MYO3A: variants seen among roughly 807,000 people sequenced by gnomAD.
MYO3A encodes the protein myosin-IIIa.
MYO3A carries 180 observed loss-of-function variants against 192.7 expected under a neutral mutation model. The ratio of observed to expected loss-of-function variants is 0.93; its 90% CI spans 0.83 to 1.06. MYO3A has a LOEUF of 1.06. Ranked by LOEUF, MYO3A falls within the 50% of genes least tolerant of loss-of-function variation. The pLI, the probability that MYO3A is intolerant of heterozygous loss-of-function variation, is 0.00. For missense variants in MYO3A, 1,896 were observed against 1,905.0 expected (o/e 1.00, Z 0.09); for synonymous variants, 628 against 645.3 (o/e 0.97, Z 0.41).
In MYO3A at chr10:26,157,499, G is replaced by C; in HGVS notation, c.2983G>C (p.Ala995Pro). 1 of 1,613,990 alleles carries C rather than the reference G, an allele frequency of 6.2e-7. No individual in the cohort carries two copies. The highest frequency in any genetic ancestry group is 2.2e-5 in the East Asian group (1 of 44,876). ...AGGATTCTCCCATCGGATACTTTTT[G>C]CTAACTTTATAAAGCGGTATGTGGA... ...RLGFSHRILF[A>P]NFIKRYYLLC... is the part of the protein sequence containing the mutation. Residue 995 changes from alanine to proline, a missense_variant, in exon 26 of 35, where the codon GCT becomes CCT. Ala to Pro is a conservative substitution (Grantham distance 27). Transcript: ENST00000642920.
At chr10:26,183,868 CAAAT>C (rs775278648) in intron 31 of MYO3A, among the ~76,000 whole-genome samples, 6 of 152,124 alleles carry the variant, frequency 3.9e-5, no homozygotes, top group Non-Finnish European at 8.8e-5. Context: ...CTTTTCACCT[CAAAT>C]AAACTCAAGA....
chr10:26,014,907 A>C (rs1335357577), intron 6 of MYO3A, among the ~76,000 whole-genome samples: 4 of 152,148 alleles, frequency 2.6e-5, no homozygotes, highest in Non-Finnish European at 5.9e-5. Context: ...CCACAATAGA[A>C]AACACATATT....
intron 20 of MYO3A, among the ~76,000 whole-genome samples, chr10:26,136,865 CAAAA>C (rs1839877298): frequency 6.6e-6 from 1 of 151,902 alleles, no homozygotes; most frequent in South Asian, 2.1e-4. Context: ...AATAAAAATA[CAAAA>C]ATTAGTGGGG....
rs1356508939 is a variant in MYO3A, at chr10:26,081,143, CCCG to C, written c.1360-7057_1360-7055del. Among the ~76,000 whole-genome samples, 199 of 90,424 alleles carry C rather than the reference CCCG, an allele frequency of 2.2e-3. 14 individuals carry two copies. Among genetic ancestry groups the C allele is most frequent in the Middle Eastern group, 5.6e-3 (1 of 180 alleles). The allele number at this position is 90,424 out of a possible 152,430, so 59.3% of individuals were successfully genotyped here. ...AAGATTATATGCCCTTCCCCCCCCC[CCCG>C]CCCCCGCTACCAGGGTGGGTAGGGA... On this transcript the variant is annotated intron_variant, in intron 14 of 34. Coordinates refer to ENST00000642920, the MANE Select transcript of MYO3A (RefSeq NM_017433.5).
In MYO3A at chr10:26,124,188, CAAAAAAAAAA is replaced by C. The variant is rs34682530; in HGVS notation, c.1904-1197_1904-1188del. Among the ~76,000 whole-genome samples, 31 of 89,540 alleles carry C rather than the reference CAAAAAAAAAA, an allele frequency of 3.5e-4. 1 individual carries two copies. Among genetic ancestry groups the C allele is most frequent in the African/African-American group, 1.3e-3 (30 of 23,432 alleles). 58.7% of individuals were successfully genotyped at this position (89,540 alleles called of 152,430 possible). A position where few individuals can be genotyped will look rare whatever the true frequency, so the allele number is the denominator to read the frequency against. On this transcript the variant is annotated intron_variant, in intron 18 of 34. Transcript: ENST00000642920. The stretch of plus-strand genomic sequence containing the variant: ...TGGATGACAGAGCGAGACTTTGTCT[CAAAAAAAAAA>C]AAAAAAAAAAAACTTTTACATATTT...
At chr10:26,146,549 G>A (rs892136227) in intron 22 of MYO3A, among the ~76,000 whole-genome samples, 1 of 152,142 alleles carries the variant, frequency 6.6e-6, no homozygotes, top group Admixed American at 6.5e-5. Flanking sequence ...TCCCCACATG[G>A]CCTTTGCTAT....
chr10:26,075,815 A>ATGTCTCTCATATATATGATATATATG (rs1835535167), intron 14 of MYO3A, among the ~76,000 whole-genome samples: 1 of 148,228 alleles, frequency 6.7e-6, no homozygotes, highest in African/African-American at 2.5e-5. Context: ...TGATATATAT[A>ATGTCTCTCATATATATGATATATATG]TGTCTCTCAT....
rs1288715993 is a variant in MYO3A at position 26,138,218 on chromosome 10, C to G, written c.2263-5230C>G. Among the ~76,000 whole-genome samples, 3 of 152,228 alleles carry G rather than the reference C, an allele frequency of 2.0e-5. No individual in the cohort carries two copies. In the East Asian group the frequency reaches 5.8e-4, roughly 29 times the overall value. On this transcript the variant is annotated intron_variant, in intron 20 of 34. Transcript: ENST00000642920. ...CGGTCCTACTGATATGTGAGGTCAC[C>G]CCCAGTGGCCCAGCTGTAAAATTCC...
Position 26,006,463 on chromosome 10 carries a change from A to G in MYO3A, c.508+9205A>G, listed in dbSNP as rs1219770416. Among the ~76,000 whole-genome samples, 4 of 152,228 alleles carry G rather than the reference A, an allele frequency of 2.6e-5. No homozygotes were observed. In the East Asian group the frequency reaches 5.8e-4, roughly 22 times the overall value. ...AGGAGCTGGTTTTTTGAAAGGATCA[A>G]CAAAATTGATAGACTGCTAGCAAGA... On this transcript the variant is annotated intron_variant, in intron 6 of 34. Transcript: ENST00000642920.
At chr10:25,992,452 G>A (rs1363341848) in intron 4 of MYO3A, among the ~76,000 whole-genome samples, 2 of 152,240 alleles carry the variant, frequency 1.3e-5, no homozygotes, top group Non-Finnish European at 2.9e-5. Context: ...CATGTCATCT[G>A]CAAACAGGGA....
chr10:26,048,196 G>A (rs919804493), intron 10 of MYO3A, among the ~76,000 whole-genome samples: 4 of 151,988 alleles, frequency 2.6e-5, no homozygotes, highest in African/African-American at 9.7e-5. Context: ...AGGAACACAG[G>A]GCTTTATCTC....
chr10:26,181,482 A>G (rs998615022), intron 31 of MYO3A, among the ~76,000 whole-genome samples: 1 of 152,226 alleles, frequency 6.6e-6, no homozygotes, highest in Admixed American at 6.5e-5. Flanking sequence ...TGTTTAGCGT[A>G]GAAAGAGCTC....
At chr10:26,051,750 A>G (rs1448995777) in intron 10 of MYO3A, among the ~76,000 whole-genome samples, 1 of 152,088 alleles carries the variant, frequency 6.6e-6, no homozygotes, top group East Asian at 1.9e-4. Flanking sequence ...TCATAGGTCA[A>G]ATCAGGCTTG....
chr10:25,972,425 C>G lies in MYO3A; in HGVS notation c.303+17417C>G, dbSNP rs189329833. On this transcript the variant is annotated intron_variant, in intron 4 of 34. Coordinates refer to ENST00000642920, the MANE Select transcript of MYO3A (RefSeq NM_017433.5). Reference sequence around the variant, plus strand: ...CTTTGGAATATTTGTCCACTAAGTCCAATGACTGGGCCCGCTCACAAGCCC... The same window carrying G: ...CTTTGGAATATTTGTCCACTAAGTCGAATGACTGGGCCCGCTCACAAGCCC... Among the ~76,000 whole-genome samples the G allele has an allele frequency of 4.1e-3, 619 of 152,186 alleles. 5 individuals carry two copies. The highest frequency in any genetic ancestry group is 0.014 in the African/African-American group (582 of 41,516).
At chr10:26,077,970 T>A (rs557956628) in intron 14 of MYO3A, among the ~76,000 whole-genome samples, 7 of 152,064 alleles carry the variant, frequency 4.6e-5, no homozygotes, top group African/African-American at 1.7e-4. Context: ...TTTTTGGTTA[T>A]ATCCTTTCCT....
At chr10:26,055,888 A>G (rs1844286027) in intron 10 of MYO3A, among the ~76,000 whole-genome samples, 1 of 152,242 alleles carries the variant, frequency 6.6e-6, no homozygotes, top group Non-Finnish European at 1.5e-5. Flanking sequence ...TTACCAACAC[A>G]TGAATTAACA....
rs2131846155 is a variant in MYO3A, at chr10:26,143,536, T to C, written c.2351T>C (p.Met784Thr). ...PLLDMFLQKP[M>T]GLLSLLDEES... ...TTAGATATGTTTCTGCAAAAGCCAA[T>C]GGGTTTACTTTCCCTACTTGATGAA... Residue 784 changes from methionine (M) to threonine (T), a missense_variant, in exon 21 of 35, where the codon ATG becomes ACG. Physicochemically the swap from Met to Thr is moderately conservative, Grantham distance 81. Coordinates refer to ENST00000642920, the MANE Select transcript of MYO3A (RefSeq NM_017433.5). 6.2e-7 allele frequency: 1 copy of C among 1,614,032 alleles called. No homozygotes were observed. Among genetic ancestry groups the C allele is most frequent in the Non-Finnish European group, 8.5e-7 (1 of 1,179,956 alleles).
intron 20 of MYO3A, among the ~76,000 whole-genome samples, chr10:26,132,925 A>T (rs1839624115): frequency 6.6e-6 from 1 of 152,218 alleles, no homozygotes; most frequent in Non-Finnish European, 1.5e-5. Context: ...GAGATTTTAA[A>T]TGTGGGCTCC....
chr10:26,104,567 G>A (rs1837672897), intron 17 of MYO3A, among the ~76,000 whole-genome samples: 1 of 152,032 alleles, frequency 6.6e-6, no homozygotes, highest in African/African-American at 2.4e-5. Context: ...TCACACATGA[G>A]TATCGCAGCT....
Sources: allele counts gnomAD v4.1 joint callset (sites outside exome capture counted in the v4.1 genomes callset), GRCh38; gene constraint gnomAD v4.1.1; transcripts MANE v1.5; gene names NCBI Gene and HGNC (gene_info 2026-07-23, HGNC 2026-07-21).